NSMCE2: variants seen among roughly 807,000 people sequenced by gnomAD.
The protein encoded by NSMCE2 is NSE2 SUMO ligase component of SMC5/6 complex.
A neutral mutation model predicts 23.8 loss-of-function variants in NSMCE2; 24 were observed. That is an observed-to-expected ratio of 1.01 (90% CI 0.73 to 1.42). NSMCE2 has a LOEUF of 1.42. NSMCE2 is among the 40% of genes most tolerant of loss of function. The pLI, the probability that NSMCE2 is intolerant of heterozygous loss-of-function variation, is 0.00. For missense variants in NSMCE2, 284 were observed against 296.5 expected (o/e 0.96, Z 0.31); for synonymous variants, 92 against 94.1 (o/e 0.98, Z 0.13).
chr8:125,351,633 C>A (rs140505048), intron 5 of NSMCE2, among the ~76,000 whole-genome samples: 1 of 152,150 alleles, frequency 6.6e-6, no homozygotes, highest in South Asian at 2.1e-4. Context: ...TTTGTAACCT[C>A]TTTACTAAAG....
At chr8:125,269,386 G>A (rs898260663) in intron 5 of NSMCE2, among the ~76,000 whole-genome samples, 2 of 152,110 alleles carry the variant, frequency 1.3e-5, no homozygotes, top group African/African-American at 2.4e-5. Context: ...GCACCCAGCC[G>A]ACTCTTTAAC....
intron 5 of NSMCE2, among the ~76,000 whole-genome samples, chr8:125,191,068 C>G (rs1295834879): frequency 2.0e-5 from 3 of 152,126 alleles, no homozygotes; most frequent in South Asian, 4.1e-4. Context: ...GACGGGGTTT[C>G]ACCATGTTGG....
intron 3 of NSMCE2, among the ~76,000 whole-genome samples, chr8:125,138,519 C>G (rs1349432210): frequency 1.3e-5 from 2 of 151,992 alleles, no homozygotes; most frequent in African/African-American, 2.4e-5. Context: ...AGCCACTGTG[C>G]CTGGCTGGTT....
At position 125,366,927 on chromosome 8, in the gene NSMCE2, T is replaced by G; in HGVS notation, c.*42T>G. 9.0e-6 allele frequency: 10 copies of G among 1,112,938 alleles called. No individual in the cohort carries two copies. Among genetic ancestry groups the G allele is most frequent in the Non-Finnish European group, 1.2e-5 (9 of 724,032 alleles). 68.9% of individuals were successfully genotyped at this position (1,112,938 alleles called of 1,614,324 possible). A position where few individuals can be genotyped will look rare whatever the true frequency, so the allele number is the denominator to read the frequency against. On this transcript the variant is annotated 3_prime_UTR_variant, in exon 8 of 8. Transcript: ENST00000287437. ...GCAGGGACACCAGCAGCCTACCTCC[T>G]ACCCCAGCTGTCTGTTGAGAGCAGT...
intron 3 of NSMCE2, among the ~76,000 whole-genome samples, chr8:125,143,085 A>T (rs2130633899): frequency 6.7e-6 from 1 of 149,002 alleles, no homozygotes; most frequent in African/African-American, 2.5e-5. Context: ...GGACACCCCC[A>T]GTGTGGGTGC....
chr8:125,281,688 G>GC (rs776850421), intron 5 of NSMCE2, among the ~76,000 whole-genome samples: 3 of 151,248 alleles, frequency 2.0e-5, no homozygotes, highest in Non-Finnish European at 4.4e-5. Context: ...AATCTTACCC[G>GC]CCTCAGCCTC....
chr8:125,112,559 TAA>T (rs35747622), intron 3 of NSMCE2, among the ~76,000 whole-genome samples: 1 of 150,160 alleles, frequency 6.7e-6, no homozygotes, highest in East Asian at 1.9e-4. Context: ...TATTCAGTCT[TAA>T]AAAAAAAATG....
chr8:125,284,620 A>T (rs1021272800), intron 5 of NSMCE2, among the ~76,000 whole-genome samples: 7 of 152,214 alleles, frequency 4.6e-5, no homozygotes, highest in Non-Finnish European at 8.8e-5. Flanking sequence ...TTTTTAAATC[A>T]CTTGGAAGAA....
chr8:125,339,403 A>T (rs970738043), intron 5 of NSMCE2, among the ~76,000 whole-genome samples: 1 of 152,108 alleles, frequency 6.6e-6, no homozygotes, highest in Non-Finnish European at 1.5e-5. Flanking sequence ...TGCAGAACCT[A>T]CCACACATGA....
At chr8:125,246,410 C>T (rs1825963886) in intron 5 of NSMCE2, among the ~76,000 whole-genome samples, 1 of 152,070 alleles carries the variant, frequency 6.6e-6, no homozygotes, top group Non-Finnish European at 1.5e-5. Flanking sequence ...TCTCGATCTC[C>T]TGACCTTGTG....
At chr8:125,184,350 C>A (rs946063831) in intron 5 of NSMCE2, among the ~76,000 whole-genome samples, 22 of 145,762 alleles carry the variant, frequency 1.5e-4, no homozygotes, top group African/African-American at 6.2e-4. Context: ...GCTATTACTT[C>A]TTAAATCTCT....
intron 4 of NSMCE2, among the ~76,000 whole-genome samples, chr8:125,154,617 C>G (rs1821213775): frequency 6.6e-6 from 1 of 151,178 alleles, no homozygotes; most frequent in Non-Finnish European, 1.5e-5. Context: ...TTTATAAAAA[C>G]TTTCAGGTTA....
At chr8:125,326,547 G>A (rs1052498426) in intron 5 of NSMCE2, among the ~76,000 whole-genome samples, 4 of 152,068 alleles carry the variant, frequency 2.6e-5, no homozygotes, top group Non-Finnish European at 5.9e-5. Context: ...TTGGCATTGT[G>A]GGATTGTGGA....
At chr8:125,288,679 C>G (rs1331688492) in intron 5 of NSMCE2, among the ~76,000 whole-genome samples, 1 of 152,170 alleles carries the variant, frequency 6.6e-6, no homozygotes, top group African/African-American at 2.4e-5. Context: ...CTCATTGCCC[C>G]TTTAGTTCTA....
intron 5 of NSMCE2, among the ~76,000 whole-genome samples, chr8:125,206,801 G>A (rs773146942): frequency 1.3e-5 from 2 of 152,146 alleles, no homozygotes; most frequent in Non-Finnish European, 2.9e-5. Flanking sequence ...TTTCGTGTAA[G>A]ACCATGGCTA....
At chr8:125,282,348 A>G (rs1303487235) in intron 5 of NSMCE2, among the ~76,000 whole-genome samples, 1 of 152,162 alleles carries the variant, frequency 6.6e-6, no homozygotes, top group Non-Finnish European at 1.5e-5. Flanking sequence ...TCCTGACCTC[A>G]AGTGATCTGC....
intron 4 of NSMCE2, among the ~76,000 whole-genome samples, chr8:125,173,627 G>T (rs1165461361): frequency 1.3e-5 from 2 of 152,194 alleles, no homozygotes. Flanking sequence ...GAGGCATTCA[G>T]TCATTCTGTG....
chr8:125,106,719 G>T (rs1818476992), intron 3 of NSMCE2, among the ~76,000 whole-genome samples: 1 of 150,708 alleles, frequency 6.6e-6, no homozygotes, highest in African/African-American at 2.4e-5. Context: ...ATTTTGGCCG[G>T]GTGCTGTGGC....
chr8:125,349,223 T>C (rs556489745), intron 5 of NSMCE2, among the ~76,000 whole-genome samples: 8 of 152,186 alleles, frequency 5.3e-5, no homozygotes, highest in Middle Eastern at 3.2e-3. Flanking sequence ...AGATACATAC[T>C]CACATGCTAT....
Sources: gnomAD v4.1 joint callset for allele counts (sites outside exome capture counted in the v4.1 genomes callset) on GRCh38, gnomAD v4.1.1 for gene constraint, MANE v1.5 for transcripts, NCBI Gene and HGNC (gene_info 2026-07-23, HGNC 2026-07-21) for gene names.